LSAMP: variants seen among roughly 807,000 people sequenced by gnomAD.
LSAMP encodes the protein limbic system associated membrane protein, also known as limbic system-associated membrane protein.
LSAMP carries 7 observed loss-of-function variants against 38.6 expected under a neutral mutation model. That is an observed-to-expected ratio of 0.18 (90% CI 0.10 to 0.34). The LOEUF (loss-of-function observed/expected upper bound fraction) is 0.34. LSAMP is among the 10% of genes least tolerant of loss of function. The pLI, the probability that LSAMP is intolerant of heterozygous loss-of-function variation, is 1.00. For missense variants in LSAMP, 313 were observed against 420.0 expected (o/e 0.75, Z 2.23); for synonymous variants, 154 against 166.8 (o/e 0.92, Z 0.59).
chr3:115,893,265 CT>C (rs1936646842), intron 3 of LSAMP, among the ~76,000 whole-genome samples: 1 of 151,946 alleles, frequency 6.6e-6, no homozygotes, highest in Non-Finnish European at 1.5e-5. Context: ...CCTACACGTT[CT>C]GCACATGTAT....
chr3:116,401,261 A>T (rs1170920379), intron 1 of LSAMP, among the ~76,000 whole-genome samples: 2 of 152,136 alleles, frequency 1.3e-5, no homozygotes, highest in African/African-American at 4.8e-5. Context: ...ATTTCTTTAC[A>T]TCATACTACA....
At chr3:116,326,745 C>T (rs1005148547) in intron 1 of LSAMP, among the ~76,000 whole-genome samples, 15 of 152,148 alleles carry the variant, frequency 9.9e-5, no homozygotes, top group Non-Finnish European at 1.9e-4. Context: ...AAAACACTGA[C>T]ACCATCATGC....
At position 116,346,282 on chromosome 3, in the gene LSAMP, T is replaced by C. The variant is rs115706358; in HGVS notation, c.155+98595A>G. Among the ~76,000 whole-genome samples, 750 of 152,200 alleles carry C rather than the reference T, an allele frequency of 4.9e-3. 6 individuals are homozygous for C. The highest frequency in any genetic ancestry group is 0.017 in the African/African-American group (709 of 41,540). ...ACATGCCCAATAAGATTTTTTTCTC[T>C]TGAATTCAGGAAACATGATTTTTTT... is the stretch of plus-strand genomic sequence containing the variant. On this transcript the variant is annotated intron_variant, in intron 1 of 6. Transcript: ENST00000490035.
intron 1 of LSAMP, among the ~76,000 whole-genome samples, chr3:116,250,679 T>C (rs904611571): frequency 2.2e-5 from 3 of 138,828 alleles, no homozygotes; most frequent in African/African-American, 8.1e-5. Context: ...CTGGGCAAGA[T>C]GGCAAAACCT....
At chr3:115,934,046 T>C (rs1937625465) in intron 3 of LSAMP, among the ~76,000 whole-genome samples, 1 of 152,240 alleles carries the variant, frequency 6.6e-6, no homozygotes. Flanking sequence ...GAAAACATAA[T>C]TCTATCAATG....
intron 3 of LSAMP, among the ~76,000 whole-genome samples, chr3:115,880,520 T>G (rs1234420423): frequency 6.6e-6 from 1 of 152,148 alleles, no homozygotes; most frequent in Non-Finnish European, 1.5e-5. Flanking sequence ...TGAAAACAAC[T>G]TTAATATCCC....
intron 1 of LSAMP, among the ~76,000 whole-genome samples, chr3:116,396,109 T>G (rs543935097): frequency 2.0e-5 from 3 of 152,218 alleles, no homozygotes; most frequent in African/African-American, 4.8e-5. Flanking sequence ...GTACTAAAGG[T>G]GGATTTATAA....
intron 1 of LSAMP, among the ~76,000 whole-genome samples, chr3:116,126,299 G>A (rs1709007365): frequency 6.6e-6 from 1 of 152,166 alleles, no homozygotes; most frequent in Admixed American, 6.5e-5. Context: ...GCTGATGAGC[G>A]TTGAGAGTAT....
chr3:116,358,033 T>A (rs2048249492), intron 1 of LSAMP, among the ~76,000 whole-genome samples: 1 of 152,316 alleles, frequency 6.6e-6, no homozygotes, highest in South Asian at 2.1e-4. Flanking sequence ...CTCCTTATGA[T>A]ACATGAGTTC....
At chr3:116,430,984 A>G (rs1318756269) in intron 1 of LSAMP, among the ~76,000 whole-genome samples, 1 of 151,974 alleles carries the variant, frequency 6.6e-6, no homozygotes, top group African/African-American at 2.4e-5. Context: ...ATACACATAA[A>G]TAACTTTTTT....
intron 1 of LSAMP, among the ~76,000 whole-genome samples, chr3:116,356,898 AT>A (rs1221414069): frequency 2.6e-5 from 4 of 152,032 alleles, no homozygotes; most frequent in Non-Finnish European, 4.4e-5. Context: ...GGTTCACGCC[AT>A]TCTCCTGCCT....
chr3:115,979,555 C>T (rs976718528), intron 3 of LSAMP, among the ~76,000 whole-genome samples: 2 of 151,922 alleles, frequency 1.3e-5, no homozygotes, highest in African/African-American at 4.8e-5. Flanking sequence ...TACCTTTGGG[C>T]CCAGAAATAT....
rs140660609 is a variant in LSAMP at position 116,000,529 on chromosome 3, A to G, written c.514+18986T>C. ...AGCCATGTGTGGGAAAGCACCTGGT[A>G]CACTGAGGGCTGCACCAATGTCAGC... is the stretch of plus-strand genomic sequence containing the variant. On this transcript the variant is annotated intron_variant, in intron 3 of 6. Transcript: ENST00000490035. Among the ~76,000 whole-genome samples the G allele has an allele frequency of 1.8e-4, 27 of 152,292 alleles. No individual in the cohort carries two copies. In the East Asian group the frequency reaches 5.2e-3, roughly 29 times the overall value.
intron 1 of LSAMP, among the ~76,000 whole-genome samples, chr3:116,178,717 A>G: frequency 6.6e-6 from 1 of 152,144 alleles, no homozygotes; most frequent in East Asian, 1.9e-4. Context: ...GATAAACCAA[A>G]TCTATTTCTC....
At chr3:116,131,251 T>A (rs1388649843) in intron 1 of LSAMP, among the ~76,000 whole-genome samples, 2 of 151,784 alleles carry the variant, frequency 1.3e-5, no homozygotes, top group Non-Finnish European at 2.9e-5. Context: ...TTGGCCTCCC[T>A]AAGAGCTGGG....
chr3:116,194,462 T>G (rs1710832054), intron 1 of LSAMP, among the ~76,000 whole-genome samples: 1 of 152,202 alleles, frequency 6.6e-6, no homozygotes, highest in South Asian at 2.1e-4. Context: ...TGGCATGATC[T>G]CAGCTCACCG....
intron 1 of LSAMP, among the ~76,000 whole-genome samples, chr3:116,442,123 ATAATTACAC>A (rs1316406545): frequency 1.3e-5 from 2 of 152,224 alleles, no homozygotes; most frequent in Non-Finnish European, 2.9e-5. Context: ...TATCTGATGC[ATAATTACAC>A]TAAAGATCAT....
chr3:116,383,609 G>A (rs2048590035), intron 1 of LSAMP, among the ~76,000 whole-genome samples: 1 of 152,006 alleles, frequency 6.6e-6, no homozygotes, highest in African/African-American at 2.4e-5. Context: ...ATGGAAATAG[G>A]ATGAAAAGAC....
At chr3:116,075,747 G>T (rs1464641821) in intron 2 of LSAMP, among the ~76,000 whole-genome samples, 2 of 151,584 alleles carry the variant, frequency 1.3e-5, no homozygotes, top group Non-Finnish European at 2.9e-5. Flanking sequence ...CACCATGTTG[G>T]CCAGGCTGGT....
Sources: gnomAD v4.1 joint callset for allele counts (sites outside exome capture counted in the v4.1 genomes callset) on GRCh38, gnomAD v4.1.1 for gene constraint, MANE v1.5 for transcripts, NCBI Gene and HGNC (gene_info 2026-07-23, HGNC 2026-07-21) for gene names.